RARB: variants seen among roughly 807,000 people sequenced by gnomAD.
RARB encodes the protein HBV-activated protein.
RARB carries 17 observed loss-of-function variants against 51.9 expected under a neutral mutation model. The ratio of observed to expected loss-of-function variants is 0.33; its 90% CI spans 0.22 to 0.49. The LOEUF (loss-of-function observed/expected upper bound fraction) is 0.49. Ranked by LOEUF, RARB falls within the 20% of genes least tolerant of loss-of-function variation. The probability of loss-of-function intolerance (pLI) is 0.99; values close to 1 mark genes in which losing one functional copy is unlikely to be tolerated. For synonymous variants in RARB, 215 were observed against 195.4 expected, an observed-to-expected ratio of 1.10 and a Z score of -0.84; for missense variants, 369 against 550.8, an observed-to-expected ratio of 0.67 and a Z score of 3.30.
chr3:25,069,948 C>G (rs1362046353), intron 3 of RARB, among the ~76,000 whole-genome samples: 1 of 152,218 alleles, frequency 6.6e-6, no homozygotes, highest in Non-Finnish European at 1.5e-5. Flanking sequence ...GTGCCACAAG[C>G]TGGGTGGCTT....
At chr3:25,405,232 A>G (rs1008144439) in intron 5 of RARB, among the ~76,000 whole-genome samples, 2 of 152,146 alleles carry the variant, frequency 1.3e-5, no homozygotes, top group African/African-American at 4.8e-5. Flanking sequence ...ATAATCTACT[A>G]TATTGGCTGG....
At position 24,875,527 on chromosome 3, in the gene RARB, C is replaced by T. The variant is rs549453276; in HGVS notation, c.-380+16775C>T. 3.3e-5 allele frequency among the ~76,000 whole-genome samples: 5 copies of T among 152,206 alleles called. No individual in the cohort carries two copies. In the East Asian group the frequency reaches 5.8e-4, roughly 18 times the overall value. ...TGAATAAATTAATGCACTAAAAATG[C>T]TGATGGTACTGCCCTGTCTAATGTA... On this transcript the variant is annotated intron_variant, in intron 2 of 11. Transcript: ENST00000383772.
chr3:25,176,445 G>C (rs917876291), intron 5 of RARB, among the ~76,000 whole-genome samples: 6 of 149,128 alleles, frequency 4.0e-5, no homozygotes, highest in African/African-American at 1.5e-4. Flanking sequence ...CGCCGGGCCA[G>C]AGTGCAGTGG....
chr3:25,159,418 C>CCCT (rs1553638606), intron 4 of RARB, among the ~76,000 whole-genome samples: 4 of 151,168 alleles, frequency 2.6e-5, no homozygotes, highest in Non-Finnish European at 5.9e-5. Flanking sequence ...ATCCACCCCC[C>CCCT]CCGCTCCCCC....
At chr3:25,323,122 T>C (rs1204213016) in intron 5 of RARB, among the ~76,000 whole-genome samples, 1 of 152,108 alleles carries the variant, frequency 6.6e-6, no homozygotes, top group Admixed American at 6.6e-5. Flanking sequence ...TCCAACAGAA[T>C]ACCCGGGGCT....
intron 5 of RARB, among the ~76,000 whole-genome samples, chr3:25,285,351 C>T (rs927590424): frequency 6.6e-6 from 1 of 152,058 alleles, no homozygotes; most frequent in African/African-American, 2.4e-5. Context: ...TGGGAAGGCT[C>T]ATTGTTTGAT....
Position 25,428,279 on chromosome 3 carries a change from G to A in RARB, c.-453G>A, listed in dbSNP as rs2125512123. ...TCATTCTGTGTGACAGAAGTAGTAGGAAGTGAGCTGTTCAGAGGCAGGAGG... is the reference window on the plus strand; with the variant it reads ...TCATTCTGTGTGACAGAAGTAGTAGAAAGTGAGCTGTTCAGAGGCAGGAGG... On this transcript the variant is annotated 5_prime_UTR_variant, in exon 1 of 8. Coordinates refer to ENST00000330688, the MANE Select transcript of RARB (RefSeq NM_000965.5). The A allele has an allele frequency of 8.1e-7, 1 of 1,235,020 alleles. No individual in the cohort carries two copies. Among genetic ancestry groups the A allele is most frequent in the Non-Finnish European group, 1.0e-6 (1 of 989,934 alleles). 76.5% of individuals were successfully genotyped at this position (1,235,020 alleles called of 1,614,324 possible).
At chr3:25,297,759 T>G (rs1489294432) in intron 5 of RARB, among the ~76,000 whole-genome samples, 1 of 152,188 alleles carries the variant, frequency 6.6e-6, no homozygotes, top group Non-Finnish European at 1.5e-5. Flanking sequence ...GGGACTAATT[T>G]GACAAGACAA....
chr3:25,041,612 CA>C (rs1698116302), intron 2 of RARB, among the ~76,000 whole-genome samples: 1 of 151,622 alleles, frequency 6.6e-6, no homozygotes, highest in Non-Finnish European at 1.5e-5. Context: ...CATAATTCTC[CA>C]GCTAAGAATG....
chr3:25,268,089 C>G (rs1189556786), intron 5 of RARB, among the ~76,000 whole-genome samples: 1 of 152,004 alleles, frequency 6.6e-6, no homozygotes, highest in African/African-American at 2.4e-5. Context: ...TATAATCTTC[C>G]CAAACAAAAA....
chr3:25,116,849 C>T (rs990370736), intron 3 of RARB, among the ~76,000 whole-genome samples: 3 of 151,996 alleles, frequency 2.0e-5, no homozygotes, highest in African/African-American at 7.2e-5. Context: ...TGATTCATGA[C>T]AACTGAATAA....
chr3:25,261,319 C>A (rs1250633564), intron 5 of RARB, among the ~76,000 whole-genome samples: 1 of 152,028 alleles, frequency 6.6e-6, no homozygotes, highest in African/African-American at 2.4e-5. Context: ...TCTTGAAACT[C>A]TCTATTCCCT....
At chr3:25,472,829 A>G (rs1695763350) in intron 2 of RARB, among the ~76,000 whole-genome samples, 1 of 152,206 alleles carries the variant, frequency 6.6e-6, no homozygotes, top group South Asian at 2.1e-4. Context: ...CAGGGGTTAG[A>G]TTCCAGTGTC....
chr3:24,972,969 T>G (rs1431617777), intron 2 of RARB, among the ~76,000 whole-genome samples: 3 of 152,046 alleles, frequency 2.0e-5, no homozygotes, highest in Admixed American at 1.3e-4. Context: ...GCAGAACGTT[T>G]TTAGTTTGAT....
At chr3:25,039,380 ATGT>A (rs1299118298) in intron 2 of RARB, among the ~76,000 whole-genome samples, 1 of 152,306 alleles carries the variant, frequency 6.6e-6, no homozygotes, top group East Asian at 1.9e-4. Flanking sequence ...ATGGTGAAAA[ATGT>A]TGTTCTGGGA....
chr3:24,975,864 CA>C (rs1696500191), intron 2 of RARB, among the ~76,000 whole-genome samples: 1 of 152,080 alleles, frequency 6.6e-6, no homozygotes, highest in Non-Finnish European at 1.5e-5. Flanking sequence ...TGGTTTGCTG[CA>C]CCCATCAACT....
intron 2 of RARB, among the ~76,000 whole-genome samples, chr3:24,912,066 T>C (rs532382974): frequency 1.3e-5 from 2 of 152,240 alleles, no homozygotes; most frequent in African/African-American, 4.8e-5. Flanking sequence ...CTTATGCACA[T>C]GGTCGCTAAA....
intron 5 of RARB, among the ~76,000 whole-genome samples, chr3:25,398,554 G>T (rs1186114016): frequency 1.3e-5 from 2 of 152,126 alleles, no homozygotes; most frequent in Non-Finnish European, 2.9e-5. Flanking sequence ...TTTCCAATGG[G>T]AGAGATGACA....
At chr3:25,001,045 G>T (rs1290018424) in intron 2 of RARB, among the ~76,000 whole-genome samples, 1 of 151,994 alleles carries the variant, frequency 6.6e-6, no homozygotes, top group Non-Finnish European at 1.5e-5. Flanking sequence ...GTAAATATTT[G>T]TAAGTAGTTC....
Sources: gnomAD v4.1 joint callset for allele counts (sites outside exome capture counted in the v4.1 genomes callset) on GRCh38, gnomAD v4.1.1 for gene constraint, MANE v1.5 for transcripts, NCBI Gene and HGNC (gene_info 2026-07-23, HGNC 2026-07-21) for gene names.